LILRA2: variants seen among roughly 807,000 people sequenced by gnomAD.
LILRA2 encodes the protein leukocyte immunoglobulin-like receptor subfamily A member 2.
LILRA2 carries 45 observed loss-of-function variants against 47.9 expected under a neutral mutation model. The observed-to-expected ratio is 0.94, with a 90% CI of 0.74 to 1.20. The LOEUF (loss-of-function observed/expected upper bound fraction) is 1.20, where lower values mean the gene tolerates loss of function less well. Among genes scored for constraint, LILRA2 ranks in the 50% most tolerant of loss-of-function variants. The pLI is 0.00. For missense variants in LILRA2, 651 were observed against 598.2 expected, an observed-to-expected ratio of 1.09 and a Z score of -0.92; for synonymous variants, 279 against 249.2, an observed-to-expected ratio of 1.12 and a Z score of -1.13.
intron 6 of LILRA2, among the ~76,000 whole-genome samples, chr19:54,582,770 A>G (rs2062682000): frequency 1.3e-5 from 2 of 151,642 alleles, no homozygotes; most frequent in Non-Finnish European, 2.9e-5. Context: ...TTGTGTCTCT[A>G]TCTCCTTCAG....
At chr19:54,579,837 T>C (rs2062589552) in intron 6 of LILRA2, among the ~76,000 whole-genome samples, 1 of 152,174 alleles carries the variant, frequency 6.6e-6, no homozygotes, top group African/African-American at 2.4e-5. Flanking sequence ...CCTTTGTTAG[T>C]TGGATTCCTA....
At chr19:54,573,784 T>A (rs1477199701), upstream of LILRA2, 2 of 816,318 alleles carry the variant, frequency 2.5e-6, no homozygotes, top group Non-Finnish European at 3.6e-6. Flanking sequence ...ACAAGAAGGA[T>A]CCAGCCTCCG....
In LILRA2 at chr19:54,589,879, C is replaced by A. The variant is rs1394411311; in HGVS notation, c.*2533C>A. 2.0e-5 allele frequency: 3 copies of A among 152,042 alleles called. No homozygotes were observed. 9.4% of individuals were successfully genotyped at this position (152,042 alleles called of 1,614,324 possible). A position where few individuals can be genotyped will look rare whatever the true frequency, so the allele number is the denominator to read the frequency against. ...TCCATTCATCCAACCTGAACCTGAG[C>A]CCCCGATCATTTTTTCTACCACTTT... On this transcript the variant is annotated 3_prime_UTR_variant, in exon 8 of 8. Coordinates refer to ENST00000391738, the MANE Select transcript of LILRA2 (RefSeq NM_001130917.3).
At position 54,575,397 on chromosome 19, in the gene LILRA2, G is replaced by A. The variant is rs151204613; in HGVS notation, c.797G>A (p.Arg266His). The stretch of plus-strand genomic sequence containing the variant: ...GAGGGAGAACGTGACTTCCTCCAGC[G>A]CCCTGGTTGGCAGCCCCAGGCTGGG... ...YKEGERDFLQ[R>H]PGWQPQAGLS... is the part of the protein sequence containing the mutation. The change falls in exon 5 of 8, where the codon CGC (arginine) becomes CAC (histidine). Residue 266 changes from arginine (R) to histidine (H), a missense_variant. Transcript: ENST00000391738. 45 of 1,613,456 alleles carry A rather than the reference G, an allele frequency of 2.8e-5. No homozygotes were observed. The highest frequency in any genetic ancestry group is 1.7e-4 in the Middle Eastern group (1 of 6,060).
Position 54,575,462 on chromosome 19 carries a change from T to G in LILRA2, c.862T>G (p.Ser288Ala). 1 of 1,613,678 alleles carries G rather than the reference T, an allele frequency of 6.2e-7. No individual in the cohort carries two copies. Among genetic ancestry groups the G allele is most frequent in the South Asian group, 1.1e-5 (1 of 91,036 alleles). The change falls in exon 5 of 8, where the codon TCC becomes GCC. Residue 288 changes from serine (S) to alanine (A), a missense_variant. Coordinates refer to ENST00000391738, the MANE Select transcript of LILRA2 (RefSeq NM_001130917.3). ...CTTCACCCTGGGCCCTGTGAGCCCCTCCCACGGGGGCCAGTACAGATGCTA... is the reference window on the plus strand; with the variant it reads ...CTTCACCCTGGGCCCTGTGAGCCCCGCCCACGGGGGCCAGTACAGATGCTA... ...ANFTLGPVSP[S>A]HGGQYRCYSA...
At position 54,587,711 on chromosome 19, in the gene LILRA2, C is replaced by T. The variant is rs1019444158; in HGVS notation, c.*365C>T. The T allele has an allele frequency of 1.1e-5, 3 of 266,154 alleles. No homozygotes were observed. The highest frequency in any genetic ancestry group is 4.7e-5 in the Admixed American group (1 of 21,292). 16.5% of individuals were successfully genotyped at this position (266,154 alleles called of 1,614,324 possible). On this transcript the variant is annotated 3_prime_UTR_variant, in exon 8 of 8. Transcript: ENST00000391738. ...GTCTTCCTTATTCCTCATTGTCACA[C>T]TCCTTGATGTCACTTACTGAGTCCC... is the stretch of plus-strand genomic sequence containing the variant.
At chr19:54,575,653 G>A in intron 5 of LILRA2, 101 bp downstream of exon 5, 9 of 1,571,420 alleles carry the variant, frequency 5.7e-6, no homozygotes, top group Non-Finnish European at 7.8e-6. Flanking sequence ...GGGGTCCCAA[G>A]GGAGGGAGAG....
At chr19:54,576,587 G>T (rs1007336498) in intron 6 of LILRA2, among the ~76,000 whole-genome samples, 10 of 148,016 alleles carry the variant, frequency 6.8e-5, no homozygotes, top group Non-Finnish European at 1.2e-4. Context: ...GTAAGGGTGT[G>T]GTCTGCGTGG....
chr19:54,580,191 T>TCAAAGGGAATA (rs1491526501), intron 6 of LILRA2, among the ~76,000 whole-genome samples: 25 of 135,976 alleles, frequency 1.8e-4, no homozygotes, highest in African/African-American at 7.4e-4. Flanking sequence ...GTGCCGGTTT[T>TCAAAGGGAATA]CTTTTCTTTT....
At chr19:54,574,614 G>A (rs1201432905) in intron 3 of LILRA2, 32 bp downstream of exon 3, 6 of 1,610,208 alleles carry the variant, frequency 3.7e-6, no homozygotes, top group Non-Finnish European at 5.1e-6. Context: ...CCAGCCCCAG[G>A]CTCTGCCCTC....
chr19:54,585,564 T>C (rs2062775108), intron 6 of LILRA2, among the ~76,000 whole-genome samples: 1 of 152,176 alleles, frequency 6.6e-6, no homozygotes, highest in South Asian at 2.1e-4. Flanking sequence ...GCGCTAGCAG[T>C]GAGCAAGGCT....
At chr19:54,585,377 C>T (rs1305285349) in intron 6 of LILRA2, among the ~76,000 whole-genome samples, 1 of 152,234 alleles carries the variant, frequency 6.6e-6, no homozygotes, top group African/African-American at 2.4e-5. Context: ...TTCTACTATG[C>T]CCTGCCCCCA....
rs45523736 is a variant in LILRA2 at position 54,574,782 on chromosome 19, C to G, written c.404C>G (p.Ser135Ter). The G allele has an allele frequency of 6.8e-6, 11 of 1,611,726 alleles. No homozygotes were observed. The highest frequency in any genetic ancestry group is 8.5e-6 in the Non-Finnish European group (10 of 1,178,870). The change falls in exon 4 of 8, where the codon TCA becomes TGA. Residue 135 changes from serine to a stop codon, truncating the protein, a stop_gained. Coordinates refer to ENST00000391738, the MANE Select transcript of LILRA2 (RefSeq NM_001130917.3). LOFTEE classifies it high-confidence loss of function. ...GCTCTGCCCAGCCCTGTGGTGACCTCAGGAGGGAACGTGACCCTCCAGTGT... is the reference window on the plus strand; with the variant it reads ...GCTCTGCCCAGCCCTGTGGTGACCTGAGGAGGGAACGTGACCCTCCAGTGT... ...LSALPSPVVT[S>*]GGNVTLQCVS...
rs1195989613 is a variant in LILRA2, at chr19:54,588,605, C to T, written c.*1259C>T. Reference sequence around the variant, plus strand: ...TGGGCGACAGAGCAAGACTCCGTCTCAAAAAAAAAAAAAAATCCAAGTACA... The same window carrying T: ...TGGGCGACAGAGCAAGACTCCGTCTTAAAAAAAAAAAAAAATCCAAGTACA... On this transcript the variant is annotated 3_prime_UTR_variant, in exon 8 of 8. Coordinates refer to ENST00000391738, the MANE Select transcript of LILRA2 (RefSeq NM_001130917.3). 1 of 105,498 alleles carries T rather than the reference C, an allele frequency of 9.5e-6. No homozygotes were observed. The highest frequency in any genetic ancestry group is 2.4e-4 in the East Asian group (1 of 4,098). The allele number at this position is 105,498 out of a possible 1,614,324, so 6.5% of individuals were successfully genotyped here. A position where few individuals can be genotyped will look rare whatever the true frequency, so the allele number is the denominator to read the frequency against.
intron 6 of LILRA2, among the ~76,000 whole-genome samples, chr19:54,584,212 C>T (rs1302973358): frequency 6.6e-6 from 1 of 152,054 alleles, no homozygotes; most frequent in African/African-American, 2.4e-5. Context: ...ATATTTTTTC[C>T]TTCATTTCAA....
At chr19:54,577,562 T>C (rs1327512767) in intron 6 of LILRA2, 2 of 1,289,594 alleles carry the variant, frequency 1.6e-6, no homozygotes, top group East Asian at 1.1e-4. Flanking sequence ...GATCTGACTG[T>C]GATGAGGCTG....
intron 6 of LILRA2, 129 bp downstream of exon 6, chr19:54,576,238 TGG>T: frequency 1.7e-6 from 2 of 1,182,534 alleles, no homozygotes; most frequent in Middle Eastern, 2.7e-4. Context: ...GTCCAGCCCA[TGG>T]GAGAGTGGAA....
intron 6 of LILRA2, among the ~76,000 whole-genome samples, chr19:54,578,945 C>A (rs2062560024): frequency 6.6e-6 from 1 of 151,796 alleles, no homozygotes; most frequent in African/African-American, 2.4e-5. Flanking sequence ...CTGTTCATAT[C>A]CTTTGCCCAC....
chr19:54,585,447 G>A (rs924173087), intron 6 of LILRA2, among the ~76,000 whole-genome samples: 2 of 152,308 alleles, frequency 1.3e-5, no homozygotes, highest in African/African-American at 2.4e-5. Context: ...CACCCAGTTC[G>A]TGCTTCCAGG....
Sources: allele counts gnomAD v4.1 joint callset (sites outside exome capture counted in the v4.1 genomes callset), GRCh38; gene constraint gnomAD v4.1.1; transcripts MANE v1.5; gene names NCBI Gene and HGNC (gene_info 2026-07-23, HGNC 2026-07-21).